Variants in NAALADL2 observed in about 807,000 individuals in gnomAD.
NAALADL2 encodes the protein inactive N-acetylated-alpha-linked acidic dipeptidase-like protein 2.
NAALADL2 carries 76 observed loss-of-function variants against 87.2 expected under a neutral mutation model. That is an observed-to-expected ratio of 0.87 (90% CI 0.72 to 1.05). The LOEUF (loss-of-function observed/expected upper bound fraction) is 1.05. Among genes scored for constraint, NAALADL2 ranks in the 50% least tolerant of loss-of-function variants. NAALADL2 has a pLI of 0.00. For missense variants in NAALADL2, 1,089 were observed against 945.8 expected (o/e 1.15, Z -1.99); for synonymous variants, 354 against 331.0 (o/e 1.07, Z -0.75).
At chr3:175,744,733 G>C (rs1745693994) in intron 12 of NAALADL2, among the ~76,000 whole-genome samples, 1 of 152,048 alleles carries the variant, frequency 6.6e-6, no homozygotes, top group Non-Finnish European at 1.5e-5. Context: ...ATACAGTAAA[G>C]GGCTAATGTG....
At chr3:174,565,256 A>T (rs923455850) in intron 2 of NAALADL2, among the ~76,000 whole-genome samples, 9 of 152,110 alleles carry the variant, frequency 5.9e-5, no homozygotes, top group African/African-American at 2.2e-4. Context: ...GTATAATGAC[A>T]TGTAGCCACC....
At chr3:174,944,201 T>G (rs1163496390) in intron 1 of NAALADL2, among the ~76,000 whole-genome samples, 3 of 152,124 alleles carry the variant, frequency 2.0e-5, no homozygotes, top group African/African-American at 7.2e-5. Flanking sequence ...CATGAACATG[T>G]TGTCAGCCTG....
At chr3:175,540,319 G>T (rs1175604811) in intron 9 of NAALADL2, among the ~76,000 whole-genome samples, 1 of 152,190 alleles carries the variant, frequency 6.6e-6, no homozygotes, top group East Asian at 1.9e-4. Flanking sequence ...AAGAGAAAAT[G>T]AAGTGCCAAG....
chr3:174,985,489 T>A (rs758039173), intron 1 of NAALADL2, among the ~76,000 whole-genome samples: 2 of 152,202 alleles, frequency 1.3e-5, no homozygotes, highest in Admixed American at 6.5e-5. Flanking sequence ...CTCCCTGGAA[T>A]CTTGGAAACA....
intron 1 of NAALADL2, among the ~76,000 whole-genome samples, chr3:174,987,527 C>T (rs1369613999): frequency 8.0e-6 from 1 of 125,426 alleles, no homozygotes; most frequent in Non-Finnish European, 1.5e-5. Flanking sequence ...CGAGATTGCG[C>T]CACTGCACTC....
chr3:174,968,113 C>T (rs2108593034), intron 1 of NAALADL2, among the ~76,000 whole-genome samples: 1 of 152,252 alleles, frequency 6.6e-6, no homozygotes, highest in African/African-American at 2.4e-5. Context: ...CAATTTGGTG[C>T]ACTATCTAAT....
rs147107279 is a variant in NAALADL2, at chr3:174,445,300, A to T, written c.-184+4268A>T. ...ATTATCAGACACGCAAAGGTAGAAT[A>T]GTATAATGAACCCCAGTATATTCAG... On this transcript the variant is annotated intron_variant, in intron 1 of 3. Coordinates refer to the NAALADL2 transcript ENST00000434257. Among the ~76,000 whole-genome samples, 8 of 152,282 alleles carry T rather than the reference A, an allele frequency of 5.3e-5. No homozygotes were observed. In the East Asian group the frequency reaches 1.5e-3, roughly 29 times the overall value.
rs182245988 is a variant in NAALADL2, at chr3:175,118,186, C to A, written c.545+20895C>A. ...TGACGAGTTAATGGGTGCAGCACAC[C>A]AACATGGCACATGTATACATATGTA... On this transcript the variant is annotated intron_variant, in intron 2 of 13. Coordinates refer to ENST00000454872, the MANE Select transcript of NAALADL2 (RefSeq NM_207015.3). 3.3e-3 allele frequency among the ~76,000 whole-genome samples: 499 copies of A among 151,842 alleles called. 3 individuals carry two copies. Among genetic ancestry groups the A allele is most frequent in the African/African-American group, 0.012 (478 of 41,460 alleles).
At chr3:175,372,818 A>G (rs1766672088) in intron 5 of NAALADL2, among the ~76,000 whole-genome samples, 1 of 152,202 alleles carries the variant, frequency 6.6e-6, no homozygotes, top group Admixed American at 6.5e-5. Context: ...TAAGATCCCA[A>G]CTAAGTTTTC....
chr3:174,848,654 G>C (rs932798337), intron 3 of NAALADL2, among the ~76,000 whole-genome samples: 4 of 152,168 alleles, frequency 2.6e-5, no homozygotes, highest in Non-Finnish European at 5.9e-5. Context: ...CAGCTTTGCA[G>C]TGAAGTTCTT....
At chr3:175,578,740 A>C (rs1388382837) in intron 10 of NAALADL2, among the ~76,000 whole-genome samples, 8 of 152,356 alleles carry the variant, frequency 5.3e-5, no homozygotes, top group Admixed American at 6.5e-5. Context: ...TGGAAGCCCA[A>C]GGGCAAGAGA....
At chr3:175,008,304 G>A (rs374733196) in intron 1 of NAALADL2, among the ~76,000 whole-genome samples, 76 of 152,208 alleles carry the variant, frequency 5.0e-4, no homozygotes, top group Admixed American at 1.0e-3. Context: ...TTGCTTGAGC[G>A]CAGGAGTTCG....
At chr3:174,860,462 A>G (rs903270640) in intron 1 of NAALADL2, among the ~76,000 whole-genome samples, 1 of 152,142 alleles carries the variant, frequency 6.6e-6, no homozygotes, top group Non-Finnish European at 1.5e-5. Context: ...CTCATTTAGC[A>G]TAATGAGAAT....
intron 13 of NAALADL2, chr3:175,773,164 T>C (rs1273407600): frequency 6.6e-6 from 1 of 152,104 alleles, no homozygotes; most frequent in Non-Finnish European, 1.5e-5. Context: ...AGTTGTTATG[T>C]TTCTCAAAAT....
intron 2 of NAALADL2, among the ~76,000 whole-genome samples, chr3:174,642,376 C>A (rs908425681): frequency 6.6e-6 from 1 of 151,766 alleles, no homozygotes; most frequent in African/African-American, 2.4e-5. Flanking sequence ...TGGTACATGC[C>A]TGTAATCCCA....
intron 2 of NAALADL2, among the ~76,000 whole-genome samples, chr3:174,611,059 A>G (rs1345298192): frequency 2.6e-5 from 4 of 151,968 alleles, no homozygotes; most frequent in African/African-American, 4.8e-5. Flanking sequence ...GTAAACTATC[A>G]CAAGGACAAA....
intron 1 of NAALADL2, among the ~76,000 whole-genome samples, chr3:175,074,253 A>G (rs895099378): frequency 4.6e-5 from 7 of 152,116 alleles, no homozygotes; most frequent in African/African-American, 1.4e-4. Flanking sequence ...CTTTTGACTC[A>G]CATGTCTCAG....
chr3:175,443,192 A>T (rs1300634515), intron 5 of NAALADL2, among the ~76,000 whole-genome samples: 1 of 152,178 alleles, frequency 6.6e-6, no homozygotes, highest in African/African-American at 2.4e-5. Context: ...AGCTGAAGGT[A>T]AAAAATTAAT....
intron 1 of NAALADL2, among the ~76,000 whole-genome samples, chr3:175,089,669 A>G (rs1216805460): frequency 6.6e-6 from 1 of 152,222 alleles, no homozygotes; most frequent in Non-Finnish European, 1.5e-5. Flanking sequence ...TAAGTGCAAA[A>G]GATAAAAAAG....
Sources: allele counts gnomAD v4.1 joint callset (sites outside exome capture counted in the v4.1 genomes callset), GRCh38; gene constraint gnomAD v4.1.1; transcripts MANE v1.5; gene names NCBI Gene and HGNC (gene_info 2026-07-23, HGNC 2026-07-21).